The following EXOC6B variants were observed in gnomAD, a reference collection of about 807,000 sequenced individuals.
EXOC6B encodes the protein exocyst complex component 6B, also known as SEC15 homolog B.
EXOC6B carries 54 observed loss-of-function variants against 113.5 expected under a neutral mutation model. The observed-to-expected ratio is 0.48, with a 90% confidence interval of 0.38 to 0.60. The LOEUF (loss-of-function observed/expected upper bound fraction) is 0.60, where lower values mean the gene tolerates loss of function less well. Among genes scored for constraint, EXOC6B ranks in the 20% least tolerant of loss-of-function variants. EXOC6B has a pLI of 0.00. For synonymous variants in EXOC6B, 357 were observed against 339.0 expected (o/e 1.05, Z -0.58); for missense variants, 797 against 977.5 (o/e 0.82, Z 2.46).
At chr2:72,263,933 CCAGA>C (rs1262528051) in intron 20 of EXOC6B, among the ~76,000 whole-genome samples, 8 of 152,124 alleles carry the variant, frequency 5.3e-5, no homozygotes, top group African/African-American at 1.7e-4. Context: ...AGCCAGCCAG[CCAGA>C]CAGGCAGGCA....
chr2:72,408,301 C>T (rs976078645), intron 18 of EXOC6B, among the ~76,000 whole-genome samples: 1 of 152,180 alleles, frequency 6.6e-6, no homozygotes, highest in African/African-American at 2.4e-5. Flanking sequence ...CAAAGTAATT[C>T]ATAGATTCAG....
intron 2 of EXOC6B, among the ~76,000 whole-genome samples, chr2:72,736,262 A>C (rs972982105): frequency 2.0e-5 from 3 of 152,134 alleles, no homozygotes; most frequent in African/African-American, 7.2e-5. Context: ...CATTTATTTC[A>C]AAGAAGATAA....
At position 72,340,231 on chromosome 2, in the gene EXOC6B, G is replaced by C. The variant is rs569765585; in HGVS notation, c.2123-5211C>G. 3.9e-5 allele frequency among the ~76,000 whole-genome samples: 6 copies of C among 152,258 alleles called. No homozygotes were observed. The South Asian group carries it at 1.2e-3, about 32-fold the overall frequency. On this transcript the variant is annotated intron_variant, in intron 19 of 21. Transcript: ENST00000272427. The stretch of plus-strand genomic sequence containing the variant: ...TGAGAGTTAGGAGGGGCCTTGAGAA[G>C]TCAAAATAACTGAATTAGTCTATAA...
chr2:72,702,890 G>T (rs1358749631), intron 6 of EXOC6B, among the ~76,000 whole-genome samples: 804 of 145,326 alleles, frequency 5.5e-3, no homozygotes, highest in African/African-American at 0.02. Flanking sequence ...CACTCTGATG[G>T]TAGTTTCTTT....
At chr2:72,368,261 T>C (rs1259244586) in intron 19 of EXOC6B, among the ~76,000 whole-genome samples, 8 of 152,134 alleles carry the variant, frequency 5.3e-5, no homozygotes, top group South Asian at 4.1e-4. Context: ...CTAGAAAATC[T>C]AGAAGAAATG....
intron 6 of EXOC6B, among the ~76,000 whole-genome samples, chr2:72,687,158 GT>G (rs1259279287): frequency 1.3e-5 from 2 of 150,766 alleles, no homozygotes; most frequent in African/African-American, 4.9e-5. Context: ...AAAAACCTTT[GT>G]TTTTTCCCCA....
chr2:72,438,868 C>T (rs114383471), intron 18 of EXOC6B, among the ~76,000 whole-genome samples: 1,554 of 152,208 alleles, frequency 0.01, 41 homozygotes, highest in African/African-American at 0.036. Flanking sequence ...ATTGGCTAGG[C>T]TAGAATTTTC....
chr2:72,675,521 C>T (rs954393141), intron 6 of EXOC6B, among the ~76,000 whole-genome samples: 4 of 152,118 alleles, frequency 2.6e-5, no homozygotes, highest in African/African-American at 7.2e-5. Context: ...GGCCAGGCAC[C>T]ATGGCACATG....
intron 1 of EXOC6B, among the ~76,000 whole-genome samples, chr2:72,750,819 C>G (rs534153432): frequency 6.6e-6 from 1 of 152,088 alleles, no homozygotes; most frequent in Non-Finnish European, 1.5e-5. Context: ...GGCAAATCTT[C>G]TCCAGAGAAA....
intron 6 of EXOC6B, among the ~76,000 whole-genome samples, chr2:72,712,279 A>G (rs752297987): frequency 6.6e-6 from 1 of 152,190 alleles, no homozygotes; most frequent in Non-Finnish European, 1.5e-5. Context: ...TTTCCTGGGT[A>G]ACAAACTGCT....
intron 20 of EXOC6B, among the ~76,000 whole-genome samples, chr2:72,205,192 C>A (rs1314652811): frequency 1.3e-5 from 2 of 152,156 alleles, no homozygotes; most frequent in African/African-American, 4.8e-5. Flanking sequence ...TCATTTTGTT[C>A]TTTGAGCTGC....
At chr2:72,550,652 G>A (rs907971572) in intron 8 of EXOC6B, among the ~76,000 whole-genome samples, 5 of 152,056 alleles carry the variant, frequency 3.3e-5, no homozygotes, top group Admixed American at 3.3e-4. Context: ...GGCAGTTTAA[G>A]GTCTTCCTGC....
chr2:72,566,402 T>C (rs1382472438), intron 7 of EXOC6B, among the ~76,000 whole-genome samples: 2 of 152,184 alleles, frequency 1.3e-5, no homozygotes, highest in Admixed American at 1.3e-4. Flanking sequence ...ATTATGGATA[T>C]ACCACAGTTC....
At chr2:72,622,290 A>G (rs1671796483) in intron 6 of EXOC6B, among the ~76,000 whole-genome samples, 1 of 151,814 alleles carries the variant, frequency 6.6e-6, no homozygotes, top group Non-Finnish European at 1.5e-5. Flanking sequence ...ATCTGCACAC[A>G]GTAAGATCCA....
intron 20 of EXOC6B, among the ~76,000 whole-genome samples, chr2:72,304,991 A>G (rs767494625): frequency 1.3e-5 from 2 of 152,216 alleles, no homozygotes; most frequent in Non-Finnish European, 2.9e-5. Flanking sequence ...AAGTGAGTAT[A>G]TATCTAAAAG....
At chr2:72,663,445 A>G (rs1395956071) in intron 6 of EXOC6B, among the ~76,000 whole-genome samples, 2 of 152,228 alleles carry the variant, frequency 1.3e-5, no homozygotes, top group Non-Finnish European at 2.9e-5. Context: ...AGAAAGCCTT[A>G]GCTATGAAGG....
At chr2:72,410,560 A>G (rs1407165776) in intron 18 of EXOC6B, among the ~76,000 whole-genome samples, 1 of 152,234 alleles carries the variant, frequency 6.6e-6, no homozygotes, top group Non-Finnish European at 1.5e-5. Flanking sequence ...ACAGTATGAA[A>G]ACAGTCTTAC....
chr2:72,396,651 C>T (rs1349351359), intron 18 of EXOC6B, among the ~76,000 whole-genome samples: 1 of 152,088 alleles, frequency 6.6e-6, no homozygotes, highest in Non-Finnish European at 1.5e-5. Flanking sequence ...TAAAGTGTTA[C>T]AGAGAACCAG....
chr2:72,542,470 T>A (rs1017745989), intron 8 of EXOC6B, among the ~76,000 whole-genome samples: 1 of 152,188 alleles, frequency 6.6e-6, no homozygotes, highest in African/African-American at 2.4e-5. Flanking sequence ...GTTATAAGAA[T>A]CTGAAAAAGT....
Sources: allele counts gnomAD v4.1 joint callset (sites outside exome capture counted in the v4.1 genomes callset), GRCh38; gene constraint gnomAD v4.1.1; transcripts MANE v1.5; gene names NCBI Gene and HGNC (gene_info 2026-07-23, HGNC 2026-07-21).